Variants in NDST1 observed in about 807,000 individuals in gnomAD.
NDST1 encodes the protein N-deacetylase and N-sulfotransferase 1.
A neutral mutation model predicts 92.8 loss-of-function variants in NDST1; 35 were observed. The ratio of observed to expected loss-of-function variants is 0.38; its 90% CI spans 0.29 to 0.50. The LOEUF (loss-of-function observed/expected upper bound fraction) is 0.50. Ranked by LOEUF, NDST1 falls within the 20% of genes least tolerant of loss-of-function variation. NDST1 has a pLI of 0.94. For missense variants in NDST1, 822 were observed against 1,182.7 expected (o/e 0.69, Z 4.47); for synonymous variants, 493 against 500.3 (o/e 0.99, Z 0.19).
intron 5 of NDST1, chr5:150,535,341 G>C (rs566636331): frequency 5.4e-5 from 53 of 985,326 alleles, no homozygotes; most frequent in Non-Finnish European, 5.3e-5. Flanking sequence ...GCTGGAAGAG[G>C]TGGTCAATGA....
chr5:150,523,073 C>T (rs1198508633), intron 2 of NDST1, among the ~76,000 whole-genome samples: 1 of 152,210 alleles, frequency 6.6e-6, no homozygotes, highest in Non-Finnish European at 1.5e-5. Context: ...CGTGTTCTTT[C>T]ACACCCTAAT....
chr5:150,531,500 C>CTTTTTTTTTTT (rs35747232), intron 3 of NDST1, among the ~76,000 whole-genome samples: 2 of 131,150 alleles, frequency 1.5e-5, no homozygotes, highest in Non-Finnish European at 3.3e-5. Context: ...CTTTTTCTCT[C>CTTTTTTTTTTT]TTTTTTTTTT....
intron 1 of NDST1, among the ~76,000 whole-genome samples, chr5:150,519,492 G>A (rs1414198998): frequency 1.3e-5 from 2 of 152,170 alleles, no homozygotes; most frequent in East Asian, 3.9e-4. Flanking sequence ...CGAATCACCT[G>A]AGGTCAGGAG....
intron 6 of NDST1, among the ~76,000 whole-genome samples, chr5:150,537,019 A>ACTGG (rs765712221): frequency 6.6e-5 from 10 of 152,256 alleles, no homozygotes; most frequent in Non-Finnish European, 1.2e-4. Context: ...GAACAGAGGG[A>ACTGG]CTGGCTGAAG....
rs114727825 is a variant in NDST1, at chr5:150,538,827, C to T, written c.1438-401C>T. On this transcript the variant is annotated intron_variant, in intron 6 of 14. Coordinates refer to ENST00000261797, the MANE Select transcript of NDST1 (RefSeq NM_001543.5). ...TCACAGTTTCATGAGGGGAGACAGA[C>T]GACAAATGGCTAAGCCAGTGTGTGA... Among the ~76,000 whole-genome samples the T allele has an allele frequency of 8.5e-3, 1,290 of 152,282 alleles. 46 individuals are homozygous for T. The East Asian group carries it at 0.13, about 15-fold the overall frequency.
intron 1 of NDST1, among the ~76,000 whole-genome samples, chr5:150,501,534 T>G (rs1337288091): frequency 2.0e-5 from 3 of 152,230 alleles, no homozygotes; most frequent in Non-Finnish European, 4.4e-5. Context: ...GGGTTTTAGC[T>G]GGCCCAGGTT....
chr5:150,541,029 G>A (rs573200745), intron 8 of NDST1, among the ~76,000 whole-genome samples: 142 of 152,322 alleles, frequency 9.3e-4, no homozygotes, highest in African/African-American at 3.2e-3. Context: ...GCTGGAATTG[G>A]TGACAGTCTC....
chr5:150,509,163 C>G (rs549629622), intron 1 of NDST1, among the ~76,000 whole-genome samples: 2 of 152,180 alleles, frequency 1.3e-5, no homozygotes, highest in African/African-American at 4.8e-5. Context: ...AGATGGAGGC[C>G]CCTGAGTCTG....
chr5:150,521,845 G>C lies in NDST1; in HGVS notation c.513+78G>C. 1 of 1,581,890 alleles carries C rather than the reference G, an allele frequency of 6.3e-7. No homozygotes were observed. The highest frequency in any genetic ancestry group is 2.2e-5 in the East Asian group (1 of 44,778). ...TGCCTGAATTCTCATTTGTGAAATA[G>C]GTGTAATGGTAGCACCCGCCTCCTG... On this transcript the variant is annotated intron_variant, in intron 2 of 14. Transcript: ENST00000261797. This position sits in a 1 kb window ranked among gnomAD's most constrained non-coding sequence, Gnocchi z 5.9.
At chr5:150,523,033 G>T (rs1274680974) in intron 2 of NDST1, among the ~76,000 whole-genome samples, 1 of 152,186 alleles carries the variant, frequency 6.6e-6, no homozygotes, top group Non-Finnish European at 1.5e-5. Flanking sequence ...CTTGCGCACT[G>T]GGCCCTGTCT....
chr5:150,521,567 G>T lies in NDST1; in HGVS notation c.313G>T (p.Glu105Ter). The T allele has an allele frequency of 6.2e-7, 1 of 1,613,990 alleles. No homozygotes were observed. The highest frequency in any genetic ancestry group is 8.5e-7 in the Non-Finnish European group (1 of 1,180,030). The change falls in exon 2 of 15, where the codon GAG (glutamate) becomes TAG (stop). Residue 105 changes from glutamate to a stop codon, truncating the protein, a stop_gained. Coordinates refer to ENST00000261797, the MANE Select transcript of NDST1 (RefSeq NM_001543.5). LOFTEE classifies it high-confidence loss of function. This position sits in a 1 kb window ranked among gnomAD's most constrained non-coding sequence, Gnocchi z 5.9. ...GGGCCAGGAGGTGGTGGCCATCCTGGAGTCCAGCCGCTTCAAATACCGCAC... is the reference window on the plus strand; with the variant it reads ...GGGCCAGGAGGTGGTGGCCATCCTGTAGTCCAGCCGCTTCAAATACCGCAC... ...QLGQEVVAIL[E>*]SSRFKYRTEI...
intron 3 of NDST1, 103 bp downstream of exon 3, chr5:150,528,401 C>T (rs1754567267): frequency 1.5e-6 from 2 of 1,310,170 alleles, no homozygotes; most frequent in East Asian, 2.5e-5. Context: ...CTCCCCTATG[C>T]TGGGAGTTAC....
chr5:150,527,087 G>C (rs2151277186), intron 2 of NDST1, among the ~76,000 whole-genome samples: 1 of 152,358 alleles, frequency 6.6e-6, no homozygotes, highest in East Asian at 1.9e-4. Flanking sequence ...TGAAGAAAAG[G>C]TTGCGTGGCC....
chr5:150,506,459 C>T (rs1753462562), upstream of NDST1, among the ~76,000 whole-genome samples: 1 of 152,160 alleles, frequency 6.6e-6, no homozygotes, highest in African/African-American at 2.4e-5. Context: ...CTCACCTGAG[C>T]CTAGTCCTGG....
At chr5:150,503,479 T>TA (rs922425652), upstream of NDST1, among the ~76,000 whole-genome samples, 2 of 152,144 alleles carry the variant, frequency 1.3e-5, no homozygotes, top group Admixed American at 6.5e-5. Flanking sequence ...ATAAAGCACT[T>TA]AGCAAGGCCC....
Position 150,551,869 on chromosome 5 carries a change from A to G in NDST1, c.2529+14A>G, listed in dbSNP as rs371425155. 1 of 1,612,186 alleles carries G rather than the reference A, an allele frequency of 6.2e-7. No homozygotes were observed. The highest frequency in any genetic ancestry group is 8.5e-7 in the Non-Finnish European group (1 of 1,178,550). Reference sequence around the variant, plus strand: ...ATGGACTTGGATGTAAGTGGTGGACACACTACCTGTAGCACCTGCATAAGG... The same window carrying G: ...ATGGACTTGGATGTAAGTGGTGGACGCACTACCTGTAGCACCTGCATAAGG... On this transcript the variant is annotated intron_variant, in intron 14 of 14. Coordinates refer to ENST00000261797, the MANE Select transcript of NDST1 (RefSeq NM_001543.5).
Position 150,528,050 on chromosome 5 carries a change from G to A in NDST1, c.760G>A (p.Ala254Thr), listed in dbSNP as rs146548363. 212 of 1,613,538 alleles carry A rather than the reference G, an allele frequency of 1.3e-4. No homozygotes were observed. In the African/African-American group the frequency reaches 2.5e-3, roughly 19 times the overall value. Reference protein sequence around the residue: ...RSSESIPHLGADAGLHAALHA... With the variant: ...RSSESIPHLGTDAGLHAALHA... ...GTCTGAGTCCATCCCACACCTGGGC[G>A]CAGACGCCGGCCTGCATGCTGCACT... The change falls in exon 3 of 15, where the codon GCA becomes ACA. Residue 254 changes from alanine to threonine, a missense_variant. Physicochemically the swap from Ala to Thr is moderately conservative, Grantham distance 58. Coordinates refer to ENST00000261797, the MANE Select transcript of NDST1 (RefSeq NM_001543.5).
intron 10 of NDST1, among the ~76,000 whole-genome samples, chr5:150,543,777 GTCTT>G (rs1251158159): frequency 5.3e-5 from 8 of 150,888 alleles, no homozygotes; most frequent in Admixed American, 2.0e-4. Context: ...TGGGCCTTCT[GTCTT>G]TCTTTTTTTT....
chr5:150,549,709 C>G lies in NDST1; in HGVS notation c.2348C>G (p.Thr783Arg), dbSNP rs1160775771. 6.2e-7 allele frequency: 1 copy of G among 1,614,012 alleles called. No individual in the cohort carries two copies. The highest frequency in any genetic ancestry group is 1.1e-5 in the South Asian group (1 of 91,070). ...GTCTTGGATGGCAAACTGCTTCGCA[C>G]AGAACCTGCCAAAGTGATGGACATG... Reference protein sequence around the residue: ...ILVLDGKLLRTEPAKVMDMVQ... With the variant: ...ILVLDGKLLRREPAKVMDMVQ... The change falls in exon 13 of 15, where the codon ACA becomes AGA. Residue 783 changes from threonine (T) to arginine (R), a missense_variant. Thr to Arg is a moderately conservative substitution (Grantham distance 71). Transcript: ENST00000261797.
Sources: gnomAD v4.1 joint callset for allele counts (sites outside exome capture counted in the v4.1 genomes callset) on GRCh38, gnomAD v4.1.1 for gene constraint, Gnocchi (gnomAD v3.1) non-coding constraint, MANE v1.5 for transcripts, NCBI Gene and HGNC (gene_info 2026-07-23, HGNC 2026-07-21) for gene names.